The following TMEM217 variants were observed in gnomAD, a reference collection of about 807,000 sequenced individuals.
TMEM217 encodes the protein transmembrane protein 217, also known as chromosome 6 open reading frame 128.
For synonymous variants in TMEM217, 76 were observed against 88.3 expected (o/e 0.86, Z 0.78); for missense variants, 204 against 248.8 (o/e 0.82, Z 1.21).
At chr6:37,234,509 T>C (rs930711579) in intron 1 of TMEM217, among the ~76,000 whole-genome samples, 8 of 152,164 alleles carry the variant, frequency 5.3e-5, no homozygotes, top group African/African-American at 1.9e-4. Flanking sequence ...AATCTTGATA[T>C]AGCCACTAGT....
downstream of TMEM217, chr6:37,212,794 A>G (rs1359912658): frequency 2.7e-6 from 2 of 740,430 alleles, no homozygotes; most frequent in Admixed American, 2.0e-5. Flanking sequence ...GCCAGTGCTG[A>G]TATTAGCCCT....
chr6:37,226,855 G>A (rs1053987873), intron 1 of TMEM217, among the ~76,000 whole-genome samples: 3 of 151,992 alleles, frequency 2.0e-5, no homozygotes, highest in Non-Finnish European at 2.9e-5. Flanking sequence ...TGTGAGCCAC[G>A]GCACCCAGCC....
chr6:37,255,665 C>T (rs1393136691), intron 1 of TMEM217, among the ~76,000 whole-genome samples: 1 of 146,794 alleles, frequency 6.8e-6, no homozygotes, highest in Non-Finnish European at 1.5e-5. Context: ...GCTTGGGTGA[C>T]AGGGCAAGAC....
At position 37,218,774 on chromosome 6, in the gene TMEM217, A is replaced by G. The variant is rs201472076; in HGVS notation, c.257T>C (p.Val86Ala). The change falls in exon 2 of 2, where the codon GTG (valine) becomes GCG (alanine). Residue 86 changes from valine to alanine, a missense_variant. Physicochemically the swap from Val to Ala is moderately conservative, Grantham distance 64. Coordinates refer to ENST00000357219, the Ensembl canonical transcript of TMEM217. ...CAGGCCCCTGAAGATCTGGGCATAC[A>G]CTGAGTACAGGAGGAAGCAGCTGAT... The G allele has an allele frequency of 7.9e-5, 128 of 1,614,230 alleles. No individual in the cohort carries two copies. The highest frequency in any genetic ancestry group is 1.0e-4 in the Non-Finnish European group (122 of 1,180,046).
chr6:37,233,850 T>C (rs1764343283), intron 1 of TMEM217, among the ~76,000 whole-genome samples: 1 of 152,226 alleles, frequency 6.6e-6, no homozygotes, highest in Non-Finnish European at 1.5e-5. Context: ...TTTTCCACTT[T>C]ACAATGGTGC....
intron 1 of TMEM217, among the ~76,000 whole-genome samples, chr6:37,256,332 G>T (rs1403111976): frequency 2.0e-5 from 3 of 152,312 alleles, no homozygotes; most frequent in East Asian, 1.9e-4. Context: ...CCAGCAAAAG[G>T]TCTGGCTGTC....
chr6:37,220,112 G>A lies in TMEM217; in HGVS notation c.-11-1071C>T, dbSNP rs147294142. Among the ~76,000 whole-genome samples the A allele has an allele frequency of 1.9e-4, 29 of 152,232 alleles. No individual in the cohort carries two copies. The South Asian group carries it at 2.5e-3, about 13-fold the overall frequency. On this transcript the variant is annotated intron_variant, in intron 1 of 1. Coordinates refer to ENST00000357219, the Ensembl canonical transcript of TMEM217. ...TAGGAGGAAGAAAATAAATAGAAGC[G>A]CGTAAGTCAATGAAACAGGAAATAA...
chr6:37,253,144 C>A (rs1049882667), intron 1 of TMEM217, among the ~76,000 whole-genome samples: 9 of 152,166 alleles, frequency 5.9e-5, no homozygotes, highest in Non-Finnish European at 8.8e-5. Flanking sequence ...ATTTCATACA[C>A]CTTTTTGATG....
downstream of TMEM217, chr6:37,212,806 T>A (rs1347844044): frequency 1.3e-6 from 1 of 792,860 alleles, no homozygotes. Context: ...ATTAGCCCTG[T>A]GGAACAGGGT....
At chr6:37,214,915 G>C (rs556248306), downstream of TMEM217, among the ~76,000 whole-genome samples, 1 of 152,130 alleles carries the variant, frequency 6.6e-6, no homozygotes, top group Admixed American at 6.6e-5. Flanking sequence ...ACCTCTGCTC[G>C]GTTCACAGCG....
chr6:37,241,017 G>A (rs1400970610), intron 1 of TMEM217, among the ~76,000 whole-genome samples: 2 of 151,084 alleles, frequency 1.3e-5, no homozygotes, highest in Non-Finnish European at 1.5e-5. Context: ...TGCAAGTTAT[G>A]TCTTTACTTA....
chr6:37,224,151 C>G (rs1229476971), intron 1 of TMEM217, among the ~76,000 whole-genome samples: 1 of 149,880 alleles, frequency 6.7e-6, no homozygotes, highest in African/African-American at 2.4e-5. Flanking sequence ...GTTGGCCAGG[C>G]TGGTCTTGAA....
At chr6:37,239,596 A>G (rs1333193532) in intron 1 of TMEM217, among the ~76,000 whole-genome samples, 1 of 152,172 alleles carries the variant, frequency 6.6e-6, no homozygotes, top group Non-Finnish European at 1.5e-5. Flanking sequence ...ATAATGATGC[A>G]TTTTGCAGTT....
chr6:37,215,994 G>GGTGTGTGTGTGTGT (rs60725183), downstream of TMEM217, among the ~76,000 whole-genome samples: 3 of 149,184 alleles, frequency 2.0e-5, no homozygotes, highest in South Asian at 2.1e-4. Flanking sequence ...GGTTCTTCAG[G>GGTGTGTGTGTGTGT]GTGTGTGTGT....
At chr6:37,254,605 A>T (rs1765613538) in intron 1 of TMEM217, among the ~76,000 whole-genome samples, 1 of 152,246 alleles carries the variant, frequency 6.6e-6, no homozygotes, top group Non-Finnish European at 1.5e-5. Context: ...CACTGTTTCT[A>T]TCATCTTTCC....
Position 37,234,843 on chromosome 6 carries a change from T to C in TMEM217, c.-11-15802A>G, listed in dbSNP as rs144533691. Among the ~76,000 whole-genome samples, 590 of 152,284 alleles carry C rather than the reference T, an allele frequency of 3.9e-3. 4 individuals are homozygous for C. Among genetic ancestry groups the C allele is most frequent in the African/African-American group, 0.012 (514 of 41,568 alleles). ...TGAAAGTGGTTACCTGTGAAAAGTA[T>C]GAATAGGGATAGGGAAGGAAGAAAA... On this transcript the variant is annotated intron_variant, in intron 1 of 1. Coordinates refer to ENST00000357219, the Ensembl canonical transcript of TMEM217.
intron 1 of TMEM217, among the ~76,000 whole-genome samples, chr6:37,236,662 AT>A (rs66485671): frequency 0.057 from 8,576 of 149,844 alleles, 791 homozygotes; most frequent in African/African-American, 0.19. Context: ...TGCCAGTACT[AT>A]TTTTTTTTTT....
chr6:37,233,085 C>G (rs1162750134), intron 1 of TMEM217, among the ~76,000 whole-genome samples: 1 of 152,200 alleles, frequency 6.6e-6, no homozygotes, highest in East Asian at 1.9e-4. Flanking sequence ...TTGACATACT[C>G]AACGAGAATG....
intron 1 of TMEM217, among the ~76,000 whole-genome samples, chr6:37,220,119 T>C (rs965127811): frequency 6.6e-6 from 1 of 152,142 alleles, no homozygotes; most frequent in Non-Finnish European, 1.5e-5. Context: ...AGCGCGTAAG[T>C]CAATGAAACA....
Sources: allele counts gnomAD v4.1 joint callset (sites outside exome capture counted in the v4.1 genomes callset), GRCh38; gene constraint gnomAD v4.1.1; transcripts MANE v1.5; gene names NCBI Gene and HGNC (gene_info 2026-07-23, HGNC 2026-07-21).